Variants in RPH3A observed in about 807,000 individuals in gnomAD.
RPH3A encodes rabphilin 3A, also known as rabphilin-3A.
RPH3A carries 48 observed loss-of-function variants against 102.2 expected under a neutral mutation model. The ratio of observed to expected loss-of-function variants is 0.47; its 90% CI spans 0.37 to 0.60. The LOEUF is 0.60. Among genes scored for constraint, RPH3A ranks in the 20% least tolerant of loss-of-function variants. The probability of loss-of-function intolerance (pLI) is 0.00; values close to 1 mark genes in which losing one functional copy is unlikely to be tolerated. For synonymous variants in RPH3A, 310 were observed against 324.3 expected (o/e 0.96, Z 0.47); for missense variants, 781 against 910.1 (o/e 0.86, Z 1.83).
intron 1 of RPH3A, among the ~76,000 whole-genome samples, chr12:112,676,135 G>A (rs2040172631): frequency 6.6e-6 from 1 of 152,100 alleles, no homozygotes; most frequent in South Asian, 2.1e-4. Flanking sequence ...TGTGCCCTCT[G>A]ATCTCTACGT....
chr12:112,809,090 G>A (rs754084559), intron 2 of RPH3A, among the ~76,000 whole-genome samples: 7 of 152,090 alleles, frequency 4.6e-5, no homozygotes, highest in African/African-American at 7.2e-5. Flanking sequence ...GCCTGACTTC[G>A]GTGAGTTATC....
chr12:112,662,545 T>C (rs1346353762), intron 1 of RPH3A, among the ~76,000 whole-genome samples: 1 of 152,228 alleles, frequency 6.6e-6, no homozygotes, highest in African/African-American at 2.4e-5. Context: ...CCACGGTCTA[T>C]GGCAGAGGTC....
At chr12:112,820,019 G>T (rs912807596) in intron 2 of RPH3A, among the ~76,000 whole-genome samples, 3 of 152,200 alleles carry the variant, frequency 2.0e-5, no homozygotes, top group African/African-American at 4.8e-5. Flanking sequence ...AGCTGAAAAG[G>T]ACAAGGATAC....
intron 14 of RPH3A, among the ~76,000 whole-genome samples, chr12:112,879,574 G>A (rs1043996143): frequency 4.0e-4 from 61 of 152,196 alleles, no homozygotes; most frequent in Admixed American, 3.9e-3. Context: ...CCATCCCTGT[G>A]TCTGCCTGAG....
chr12:112,774,257 A>G (rs1031468919), intron 1 of RPH3A, among the ~76,000 whole-genome samples: 14 of 152,312 alleles, frequency 9.2e-5, no homozygotes, highest in African/African-American at 2.6e-4. Context: ...AAATTTTACA[A>G]ATAAAAGCAA....
intron 5 of RPH3A, among the ~76,000 whole-genome samples, chr12:112,857,660 G>A (rs1047809627): frequency 3.3e-5 from 5 of 152,176 alleles, no homozygotes; most frequent in African/African-American, 1.2e-4. Flanking sequence ...CTCTAGAGCT[G>A]TTAAGATACA....
intron 1 of RPH3A, among the ~76,000 whole-genome samples, chr12:112,785,089 G>A (rs2041037581): frequency 6.6e-6 from 1 of 152,170 alleles, no homozygotes. Flanking sequence ...AGGCATGGTG[G>A]TGCATGCCTC....
At chr12:112,600,084 A>G (rs528565920) in intron 1 of RPH3A, among the ~76,000 whole-genome samples, 2 of 152,258 alleles carry the variant, frequency 1.3e-5, no homozygotes, top group African/African-American at 4.8e-5. Flanking sequence ...CTAACCCTGA[A>G]CCCTGAGCCT....
upstream of RPH3A, among the ~76,000 whole-genome samples, chr12:112,787,959 T>C (rs1452943156): frequency 2.6e-5 from 4 of 152,208 alleles, no homozygotes; most frequent in Non-Finnish European, 4.4e-5. Flanking sequence ...ATCTTCGCAA[T>C]GTTCTATCAT....
chr12:112,859,253 G>A (rs2042467843), intron 5 of RPH3A, among the ~76,000 whole-genome samples: 1 of 152,196 alleles, frequency 6.6e-6, no homozygotes, highest in African/African-American at 2.4e-5. Flanking sequence ...AACTTGAGCT[G>A]CAGCTCATCT....
At chr12:112,731,943 C>T (rs1369917943) in intron 1 of RPH3A, among the ~76,000 whole-genome samples, 1 of 152,192 alleles carries the variant, frequency 6.6e-6, no homozygotes, top group Non-Finnish European at 1.5e-5. Flanking sequence ...TTTCTTGATT[C>T]TTTTGACAGG....
At chr12:112,597,339 T>C (rs1480740892) in intron 1 of RPH3A, among the ~76,000 whole-genome samples, 1 of 152,136 alleles carries the variant, frequency 6.6e-6, no homozygotes, top group East Asian at 1.9e-4. Context: ...TCCCAGCATT[T>C]TGGGGGGCTG....
intron 2 of RPH3A, among the ~76,000 whole-genome samples, chr12:112,817,808 T>C (rs1009463030): frequency 3.6e-4 from 55 of 152,262 alleles, no homozygotes; most frequent in African/African-American, 1.2e-3. Flanking sequence ...GGAGCTTGGA[T>C]GGCAGTGCCT....
intron 1 of RPH3A, among the ~76,000 whole-genome samples, chr12:112,730,622 C>T (rs949483669): frequency 1.3e-5 from 2 of 152,150 alleles, no homozygotes; most frequent in African/African-American, 2.4e-5. Context: ...AAGTGTTGAT[C>T]CCTAGGAAAC....
At chr12:112,599,385 GCAA>G (rs1186056879) in intron 1 of RPH3A, among the ~76,000 whole-genome samples, 1 of 152,140 alleles carries the variant, frequency 6.6e-6, no homozygotes, top group East Asian at 1.9e-4. Flanking sequence ...CCTATACAAT[GCAA>G]CATTGCATCA....
chr12:112,679,268 C>T (rs2040210226), intron 1 of RPH3A, among the ~76,000 whole-genome samples: 1 of 152,154 alleles, frequency 6.6e-6, no homozygotes, highest in Non-Finnish European at 1.5e-5. Context: ...ATTCTTCTGC[C>T]TCAGCCTCCC....
At chr12:112,692,293 A>G (rs1040235788) in intron 1 of RPH3A, among the ~76,000 whole-genome samples, 6 of 152,234 alleles carry the variant, frequency 3.9e-5, no homozygotes, top group African/African-American at 1.4e-4. Flanking sequence ...ATAATGATAC[A>G]TAGTTTCAAA....
chr12:112,629,808 A>G (rs1344444551), intron 1 of RPH3A, among the ~76,000 whole-genome samples: 1 of 152,132 alleles, frequency 6.6e-6, no homozygotes. Flanking sequence ...AGTAGATGCT[A>G]TTTATCAAGC....
chr12:112,643,628 C>A (rs894710537), intron 1 of RPH3A, among the ~76,000 whole-genome samples: 1 of 152,200 alleles, frequency 6.6e-6, no homozygotes, highest in Non-Finnish European at 1.5e-5. Flanking sequence ...CCTTCATGTT[C>A]GTGTCAGCCT....
Sources: gnomAD v4.1 joint callset for allele counts (sites outside exome capture counted in the v4.1 genomes callset) on GRCh38, gnomAD v4.1.1 for gene constraint, MANE v1.5 for transcripts, NCBI Gene and HGNC (gene_info 2026-07-23, HGNC 2026-07-21) for gene names.